The following GRAMD1A variants were observed in gnomAD, a reference collection of about 807,000 sequenced individuals.
The protein encoded by GRAMD1A is protein Aster-A.
In GRAMD1A, 50 loss-of-function variants were observed where a neutral mutation model predicts 92.0. That is an observed-to-expected ratio of 0.54 (90% CI 0.43 to 0.69). The LOEUF (loss-of-function observed/expected upper bound fraction) is 0.69. GRAMD1A is among the 30% of genes least tolerant of loss of function. The pLI, the probability that GRAMD1A is intolerant of heterozygous loss-of-function variation, is 0.00. For synonymous variants in GRAMD1A, 405 were observed against 403.6 expected, an observed-to-expected ratio of 1.00 and a Z score of -0.04; for missense variants, 819 against 978.9, an observed-to-expected ratio of 0.84 and a Z score of 2.18.
chr19:35,000,553 C>T lies in GRAMD1A; in HGVS notation c.8+67C>T. The T allele has an allele frequency of 8.4e-7, 1 of 1,196,902 alleles. No individual in the cohort carries two copies. The allele number at this position is 1,196,902 out of a possible 1,614,324, so 74.1% of individuals were successfully genotyped here. A position where few individuals can be genotyped will look rare whatever the true frequency, so the allele number is the denominator to read the frequency against. ...GGGAGGCCACCGGAGGGAGGGGGCG[C>T]CGCGGGCTTGGGGAGGGGGCGGAGC... On this transcript the variant is annotated intron_variant, in intron 1 of 19. Transcript: ENST00000317991. This position sits in a 1 kb window ranked among gnomAD's most constrained non-coding sequence, Gnocchi z 4.9.
chr19:35,009,923 C>A lies in GRAMD1A; in HGVS notation c.276C>A (p.Asp92Glu). 6.2e-7 allele frequency: 1 copy of A among 1,613,038 alleles called. No homozygotes were observed. Reference sequence around the variant, plus strand: ...CCACTTATAAGCAGCGTAATGAGGACTTCCGGAAACTGTTCAGCAAACTCC... The same window carrying A: ...CCACTTATAAGCAGCGTAATGAGGAATTCCGGAAACTGTTCAGCAAACTCC... ...LSPTYKQRNEDFRKLFSKLPE... is the reference protein window; with the variant it reads ...LSPTYKQRNEEFRKLFSKLPE... Residue 92 changes from aspartate (D) to glutamate (E), a missense_variant, in exon 4 of 20, where the codon GAC (aspartate) becomes GAA (glutamate). Asp to Glu is a conservative substitution (Grantham distance 45). This residue lies in a region of GRAMD1A where 144 missense variants were observed against 220.3 expected (regional missense o/e 0.65). Transcript: ENST00000317991.
chr19:35,019,605 G>A (rs2151730248), intron 13 of GRAMD1A, 72 bp downstream of exon 13: 1 of 1,436,128 alleles, frequency 7.0e-7, no homozygotes, highest in East Asian at 2.3e-5. Flanking sequence ...CCTCAAGTCA[G>A]CAGCAGAGCC....
rs963474462 is a variant in GRAMD1A at position 35,021,016 on chromosome 19, A to G, written c.1476-486A>G. On this transcript the variant is annotated intron_variant, in intron 13 of 19. Coordinates refer to ENST00000317991, the MANE Select transcript of GRAMD1A (RefSeq NM_020895.5). The surrounding 1 kb of genome is among the most constrained non-coding windows in gnomAD (Gnocchi z 5.3). Reference sequence around the variant, plus strand: ...TGTGGCGGTGAGGGAAAGAGAGCTCAAGGAATATCCCGAGGCATTTGGCCC... The same window carrying G: ...TGTGGCGGTGAGGGAAAGAGAGCTCGAGGAATATCCCGAGGCATTTGGCCC... Among the ~76,000 whole-genome samples, 41 of 152,230 alleles carry G rather than the reference A, an allele frequency of 2.7e-4. No individual in the cohort carries two copies. The highest frequency in any genetic ancestry group is 3.4e-3 in the Middle Eastern group (1 of 294).
rs761437495 is a variant in GRAMD1A at position 35,014,184 on chromosome 19, C to T, written c.871-5C>T. ...GCCAAGGCTGCATCGGGCCTTTCTC[C>T]ACAGGCAGAGGAGGACAAGGAGGAG... On this transcript the variant is annotated splice_region_variant and splice_polypyrimidine_tract_variant and intron_variant, in intron 9 of 19. Coordinates refer to ENST00000317991, the MANE Select transcript of GRAMD1A (RefSeq NM_020895.5). The T allele has an allele frequency of 6.2e-7, 1 of 1,612,696 alleles. No homozygotes were observed. The highest frequency in any genetic ancestry group is 1.1e-5 in the South Asian group (1 of 91,018).
At chr19:34,995,503 G>C (rs1222590965), upstream of GRAMD1A, among the ~76,000 whole-genome samples, 1 of 151,562 alleles carries the variant, frequency 6.6e-6, no homozygotes, top group African/African-American at 2.4e-5. Flanking sequence ...ACAGGCTTGG[G>C]GTCATAAGGG....
upstream of GRAMD1A, among the ~76,000 whole-genome samples, chr19:34,997,511 G>T (rs1052180710): frequency 6.6e-6 from 1 of 152,128 alleles, no homozygotes; most frequent in African/African-American, 2.4e-5. Context: ...AGGGCCATAG[G>T]GGGAAGAGGA....
chr19:35,011,612 A>C, intron 7 of GRAMD1A, 58 bp downstream of exon 7: 1 of 1,257,442 alleles, frequency 8.0e-7, no homozygotes, highest in Non-Finnish European at 1.2e-6. Context: ...CCATGGAGCC[A>C]GGGACCCCAG....
Position 35,024,669 on chromosome 19 carries a change from G to A in GRAMD1A, c.2082+1122G>A, listed in dbSNP as rs374556048. ...ATCTTTAGGGGTCTCATTGCCCCCC[G>A]AAATCAAGCTTGGGAGAGGCTCACA... On this transcript the variant is annotated intron_variant, in intron 19 of 19. Transcript: ENST00000317991. Among the ~76,000 whole-genome samples, 38 of 150,210 alleles carry A rather than the reference G, an allele frequency of 2.5e-4. 1 individual carries two copies. Among genetic ancestry groups the A allele is most frequent in the African/African-American group, 7.8e-4 (32 of 41,196 alleles).
intron 19 of GRAMD1A, 51 bp from the exon 20 acceptor site, chr19:35,025,998 C>A: frequency 1.1e-6 from 1 of 911,120 alleles, no homozygotes; most frequent in Non-Finnish European, 1.8e-6. Context: ...GGCGACATCA[C>A]CCCCCAGCCT....
chr19:35,015,590 A>G (rs2015564540), intron 10 of GRAMD1A: 2 of 479,840 alleles, frequency 4.2e-6, no homozygotes, highest in Non-Finnish European at 7.4e-6. Flanking sequence ...CTCAGGGCCT[A>G]GGTGTGTTCT....
chr19:34,996,058 C>T (rs1433515962), upstream of GRAMD1A: 7 of 1,535,696 alleles, frequency 4.6e-6, no homozygotes, highest in African/African-American at 9.6e-5. Flanking sequence ...CTTGGGAGAC[C>T]CTGTTGGCAC....
rs773151903 is a variant in GRAMD1A, at chr19:35,009,489, G to A, written c.240+46G>A. Reference sequence around the variant, plus strand: ...CTTGCTGGAGGGCTGGGAGGACCGGGTGCTGGGCCAGGAGCCCCAGGCTGC... The same window carrying A: ...CTTGCTGGAGGGCTGGGAGGACCGGATGCTGGGCCAGGAGCCCCAGGCTGC... On this transcript the variant is annotated intron_variant, in intron 3 of 19. Transcript: ENST00000317991. 1.7e-5 allele frequency: 27 copies of A among 1,606,782 alleles called. No individual in the cohort carries two copies. The Middle Eastern group carries it at 7.3e-4, about 44-fold the overall frequency.
At chr19:35,007,747 C>T (rs1199014053) in intron 1 of GRAMD1A, among the ~76,000 whole-genome samples, 6 of 151,964 alleles carry the variant, frequency 3.9e-5, no homozygotes, top group Non-Finnish European at 7.4e-5. Context: ...GTGGTGTGTA[C>T]CTGCAGTCCC....
At chr19:34,996,714 G>A (rs1041039025), upstream of GRAMD1A, among the ~76,000 whole-genome samples, 2 of 151,898 alleles carry the variant, frequency 1.3e-5, no homozygotes, top group South Asian at 2.1e-4. Flanking sequence ...GCTGGGGCAG[G>A]CGGTTTGCTT....
chr19:35,014,703 A>C, intron 10 of GRAMD1A: 2 of 404,742 alleles, frequency 4.9e-6, no homozygotes, highest in Non-Finnish European at 4.7e-6. Context: ...AACAATGATA[A>C]TACCCACTTC....
Position 35,010,338 on chromosome 19 carries a change from C to G in GRAMD1A, c.484C>G (p.Leu162Val). The G allele has an allele frequency of 6.2e-7, 1 of 1,613,860 alleles. No individual in the cohort carries two copies. Among genetic ancestry groups the G allele is most frequent in the Non-Finnish European group, 8.5e-7 (1 of 1,179,706 alleles). The change falls in exon 6 of 20, where the codon CTG (leucine) becomes GTG (valine). Residue 162 changes from leucine (L) to valine (V), a missense_variant. By Grantham distance (32) the Leu-to-Val change is conservative. This residue lies in a region of GRAMD1A where 144 missense variants were observed against 220.3 expected (regional missense o/e 0.65). Transcript: ENST00000317991. ...TCLKKEKTAK[L>V]IPNAIQICTE... is the part of the protein sequence containing the mutation. ...TCTGAAGAAGGAAAAGACGGCCAAG[C>G]TGATCCCCAACGCCATCCAGATCTG...
chr19:35,016,607 C>CG (rs1242471833), intron 11 of GRAMD1A, among the ~76,000 whole-genome samples: 1 of 72,372 alleles, frequency 1.4e-5, no homozygotes, highest in Non-Finnish European at 2.6e-5. Flanking sequence ...AAAACAGGGG[C>CG]GGGGGGTGGG....
chr19:35,000,423 G>GCCCTGCCCTA lies in GRAMD1A; in HGVS notation c.-47_-46insACCCTGCCCT. ...GCGCAGCCCAGCCCCGCGCAGCCCAGCCCTGCCCTGCCCTGCCCTGCCCTG... is the reference window on the plus strand; with the variant it reads ...GCGCAGCCCAGCCCCGCGCAGCCCAGCCCTGCCCTACCCTGCCCTGCCCTGCCCTGCCCTG... On this transcript the variant is annotated 5_prime_UTR_variant, in exon 1 of 20. Coordinates refer to ENST00000317991, the MANE Select transcript of GRAMD1A (RefSeq NM_020895.5). The surrounding 1 kb of genome is among the most constrained non-coding windows in gnomAD (Gnocchi z 4.9). 1 of 1,062,172 alleles carries GCCCTGCCCTA rather than the reference G, an allele frequency of 9.4e-7. No individual in the cohort carries two copies. The highest frequency in any genetic ancestry group is 1.1e-6 in the Non-Finnish European group (1 of 905,178). The allele number at this position is 1,062,172 out of a possible 1,614,324, so 65.8% of individuals were successfully genotyped here.
At position 35,013,382 on chromosome 19, in the gene GRAMD1A, C is replaced by A; in HGVS notation, c.719+14C>A. The A allele has an allele frequency of 6.5e-7, 1 of 1,531,076 alleles. No individual in the cohort carries two copies. Among genetic ancestry groups the A allele is most frequent in the Non-Finnish European group, 8.9e-7 (1 of 1,122,574 alleles). The allele number at this position is 1,531,076 out of a possible 1,614,324, so 94.8% of individuals were successfully genotyped here. ...GAACGGTCTGGGGTGAGTTGGAGGT[C>A]AAAGGAGGTTGAAGGGTTCGGGGGA... On this transcript the variant is annotated intron_variant, in intron 8 of 19. Coordinates refer to ENST00000317991, the MANE Select transcript of GRAMD1A (RefSeq NM_020895.5). The surrounding 1 kb of genome is among the most constrained non-coding windows in gnomAD (Gnocchi z 4.9).
Sources: gnomAD v4.1 joint callset for allele counts (sites outside exome capture counted in the v4.1 genomes callset) on GRCh38, gnomAD v4.1.1 for gene constraint, gnomAD v4.1.1 regional missense constraint, Gnocchi (gnomAD v3.1) non-coding constraint, MANE v1.5 for transcripts, NCBI Gene and HGNC (gene_info 2026-07-23, HGNC 2026-07-21) for gene names.